The following CNTNAP5 variants were observed in gnomAD, a reference collection of about 807,000 sequenced individuals.
CNTNAP5 encodes contactin associated protein family member 5, also known as contactin-associated protein-like 5.
A neutral mutation model predicts 150.2 loss-of-function variants in CNTNAP5; 72 were observed. The observed-to-expected ratio is 0.48, with a 90% CI of 0.40 to 0.58. The LOEUF (loss-of-function observed/expected upper bound fraction) is 0.58, where lower values mean the gene tolerates loss of function less well. Among genes scored for constraint, CNTNAP5 ranks in the 20% least tolerant of loss-of-function variants. The pLI, the probability that CNTNAP5 is intolerant of heterozygous loss-of-function variation, is 0.00. For missense variants in CNTNAP5, 1,636 were observed against 1,626.2 expected, an observed-to-expected ratio of 1.01 and a Z score of -0.10; for synonymous variants, 672 against 619.8, an observed-to-expected ratio of 1.08 and a Z score of -1.25.
intron 1 of CNTNAP5, among the ~76,000 whole-genome samples, chr2:124,032,815 C>T (rs553389338): frequency 6.6e-6 from 1 of 152,320 alleles, no homozygotes; most frequent in South Asian, 2.1e-4. Flanking sequence ...ACCATATTCT[C>T]AGTGCAGTAT....
intron 1 of CNTNAP5, among the ~76,000 whole-genome samples, chr2:124,162,053 T>G (rs1684692847): frequency 1.3e-5 from 2 of 152,192 alleles, no homozygotes; most frequent in African/African-American, 4.8e-5. Flanking sequence ...CTCATTCAAC[T>G]TGAATCCTGT....
intron 13 of CNTNAP5, among the ~76,000 whole-genome samples, chr2:124,674,780 T>C (rs1678904020): frequency 6.6e-6 from 1 of 151,942 alleles, no homozygotes; most frequent in Admixed American, 6.6e-5. Context: ...TTTCCACTTA[T>C]TTGTAACCTT....
intron 3 of CNTNAP5, among the ~76,000 whole-genome samples, chr2:124,279,013 C>A (rs915001510): frequency 6.6e-6 from 1 of 152,090 alleles, no homozygotes; most frequent in Non-Finnish European, 1.5e-5. Flanking sequence ...CAACAGGAGA[C>A]CTGAACAAGA....
chr2:124,226,982 G>A (rs1323640285), intron 2 of CNTNAP5, among the ~76,000 whole-genome samples: 1 of 151,988 alleles, frequency 6.6e-6, no homozygotes, highest in East Asian at 1.9e-4. Context: ...TATTCATGAG[G>A]TCAGAATACT....
intron 19 of CNTNAP5, among the ~76,000 whole-genome samples, chr2:124,845,801 T>C (rs1484601140): frequency 2.0e-5 from 3 of 152,170 alleles, no homozygotes; most frequent in Admixed American, 6.5e-5. Flanking sequence ...CCTTTAATAA[T>C]CTTTTGTATT....
chr2:124,317,731 G>A (rs1258983100), intron 3 of CNTNAP5, among the ~76,000 whole-genome samples: 1 of 152,176 alleles, frequency 6.6e-6, no homozygotes, highest in East Asian at 1.9e-4. Flanking sequence ...CCCAATTGCA[G>A]ATCACTGAGG....
chr2:124,453,721 C>T (rs1246941227), intron 6 of CNTNAP5, among the ~76,000 whole-genome samples: 1 of 152,140 alleles, frequency 6.6e-6, no homozygotes, highest in African/African-American at 2.4e-5. Context: ...GGATTGGGGC[C>T]TTATCTTCAA....
chr2:124,218,243 C>T (rs1357535132), intron 1 of CNTNAP5, among the ~76,000 whole-genome samples: 1 of 152,098 alleles, frequency 6.6e-6, no homozygotes, highest in Non-Finnish European at 1.5e-5. Flanking sequence ...AGATAACTCC[C>T]ACATGCTTAG....
chr2:124,905,955 A>T (rs911669035), intron 22 of CNTNAP5, among the ~76,000 whole-genome samples: 1 of 152,170 alleles, frequency 6.6e-6, no homozygotes, highest in Non-Finnish European at 1.5e-5. Flanking sequence ...TTAGTGTGGG[A>T]GATGGGCTCT....
chr2:124,141,678 C>CA, intron 1 of CNTNAP5, among the ~76,000 whole-genome samples: 1 of 35,372 alleles, frequency 2.8e-5, no homozygotes, highest in Admixed American at 3.7e-4. Flanking sequence ...CCAGCCGCTG[C>CA]AAAATCAAGC....
chr2:124,828,516 A>G (rs1455581697), intron 19 of CNTNAP5, among the ~76,000 whole-genome samples: 1 of 151,958 alleles, frequency 6.6e-6, no homozygotes, highest in African/African-American at 2.4e-5. Context: ...TACATAAGTT[A>G]TTAAGGATGA....
At position 124,358,504 on chromosome 2, in the gene CNTNAP5, T is replaced by G. The variant is rs571730246; in HGVS notation, c.382-58939T>G. ...TCAATACCTAATTTATTGAGAGTTTTTAGCATGAAGGGTTGTTGAATTTTG... is the reference window on the plus strand; with the variant it reads ...TCAATACCTAATTTATTGAGAGTTTGTAGCATGAAGGGTTGTTGAATTTTG... On this transcript the variant is annotated intron_variant, in intron 3 of 23. Coordinates refer to ENST00000682447, the MANE Select transcript of CNTNAP5 (RefSeq NM_001367498.1). 2.3e-3 allele frequency among the ~76,000 whole-genome samples: 343 copies of G among 152,372 alleles called. 1 individual carries two copies. The highest frequency in any genetic ancestry group is 7.8e-3 in the African/African-American group (326 of 41,594).
chr2:124,739,900 T>C (rs78770547), intron 13 of CNTNAP5, among the ~76,000 whole-genome samples: 2 of 151,954 alleles, frequency 1.3e-5, no homozygotes, highest in Admixed American at 1.3e-4. Context: ...TGACTTCCAT[T>C]ACTCTTAGCT....
Position 124,479,828 on chromosome 2 carries a change from C to T in CNTNAP5, c.1062+4946C>T, listed in dbSNP as rs149274557. ...GTTCATCCCCACTCCATGGCTTATT[C>T]AGCTATGGGATCTTGAGAAAGTTAC... On this transcript the variant is annotated intron_variant, in intron 7 of 23. Coordinates refer to ENST00000682447, the MANE Select transcript of CNTNAP5 (RefSeq NM_001367498.1). 5.3e-5 allele frequency among the ~76,000 whole-genome samples: 8 copies of T among 152,256 alleles called. No individual in the cohort carries two copies. In the East Asian group the frequency reaches 1.5e-3, roughly 29 times the overall value.
chr2:124,264,988 C>G (rs997421310), intron 3 of CNTNAP5, among the ~76,000 whole-genome samples: 50 of 152,186 alleles, frequency 3.3e-4, no homozygotes, highest in African/African-American at 1.0e-3. Context: ...GCGTCAGTAA[C>G]ACAGACCTCC....
intron 3 of CNTNAP5, among the ~76,000 whole-genome samples, chr2:124,258,436 G>T (rs150271911): frequency 1.3e-5 from 2 of 152,178 alleles, no homozygotes; most frequent in African/African-American, 2.4e-5. Flanking sequence ...GTATAAATGG[G>T]TTATGAGGAT....
chr2:124,659,932 G>A (rs1050979726), intron 13 of CNTNAP5, among the ~76,000 whole-genome samples: 4 of 151,984 alleles, frequency 2.6e-5, no homozygotes, highest in African/African-American at 7.3e-5. Flanking sequence ...TCAGAGAATG[G>A]GGGAGACATT....
intron 13 of CNTNAP5, among the ~76,000 whole-genome samples, chr2:124,726,150 A>T (rs1573576014): frequency 6.6e-6 from 1 of 151,684 alleles, no homozygotes. Flanking sequence ...TTCCCTTTTA[A>T]TTACAGCCAT....
At chr2:124,513,772 G>T (rs1158392706) in intron 8 of CNTNAP5, among the ~76,000 whole-genome samples, 1 of 152,210 alleles carries the variant, frequency 6.6e-6, no homozygotes, top group African/African-American at 2.4e-5. Context: ...GGAGCTCCCA[G>T]AGGTAGGGAG....
Sources: allele counts gnomAD v4.1 joint callset (sites outside exome capture counted in the v4.1 genomes callset), GRCh38; gene constraint gnomAD v4.1.1; transcripts MANE v1.5; gene names NCBI Gene and HGNC (gene_info 2026-07-23, HGNC 2026-07-21).